SEL1L3: variants seen among roughly 807,000 people sequenced by gnomAD.
SEL1L3 encodes SEL1L family member 3.
In SEL1L3, 76 loss-of-function variants were observed where a neutral mutation model predicts 142.8. The ratio of observed to expected loss-of-function variants is 0.53; its 90% CI spans 0.44 to 0.64. SEL1L3 has a LOEUF of 0.64. Ranked by LOEUF, SEL1L3 falls within the 30% of genes least tolerant of loss-of-function variation. The pLI is 0.00. For synonymous variants in SEL1L3, 504 were observed against 519.6 expected (o/e 0.97, Z 0.41); for missense variants, 1,262 against 1,381.7 (o/e 0.91, Z 1.37).
intron 2 of SEL1L3, 88 bp downstream of exon 2, chr4:25,847,206 A>G (rs750361580): frequency 1.8e-6 from 2 of 1,106,790 alleles, no homozygotes; most frequent in Non-Finnish European, 2.6e-6. Context: ...CCCCTTCGCT[A>G]ATAGAAGAAT....
At chr4:25,729,678 C>T in the SEL1L3 span, among the ~76,000 whole-genome samples, 1 of 152,166 alleles carries the variant, frequency 6.6e-6, no homozygotes, top group Admixed American at 6.5e-5. Context: ...CGCGGCACTG[C>T]ACTTCAGCCT....
At chr4:25,751,850 C>T (rs1008605158) in intron 23 of SEL1L3, among the ~76,000 whole-genome samples, 16 of 151,920 alleles carry the variant, frequency 1.1e-4, no homozygotes, top group African/African-American at 3.9e-4. Context: ...GTGGCTCACG[C>T]CTGTAATCCC....
At chr4:25,756,753 G>C (rs910895852) in intron 23 of SEL1L3, 10 of 1,147,552 alleles carry the variant, frequency 8.7e-6, no homozygotes, top group Non-Finnish European at 1.1e-5. Flanking sequence ...TTCCTGCTCA[G>C]TCCCTCCCTC....
downstream of SEL1L3, among the ~76,000 whole-genome samples, chr4:25,747,102 T>TA (rs1424492354): frequency 6.6e-6 from 1 of 152,112 alleles, no homozygotes; most frequent in Admixed American, 6.6e-5. Context: ...CAACATTTGC[T>TA]AAAACAAGAG....
intron 6 of SEL1L3, among the ~76,000 whole-genome samples, chr4:25,829,577 A>G (rs1450524550): frequency 6.6e-6 from 1 of 152,228 alleles, no homozygotes; most frequent in Non-Finnish European, 1.5e-5. Context: ...ATTATGAAAC[A>G]CAGGCAGGAA....
chr4:25,833,493 A>C lies in SEL1L3; in HGVS notation c.937T>G (p.Ser313Ala), dbSNP rs551703620. Residue 313 changes from serine (S) to alanine (A), a missense_variant, in exon 4 of 24, where the codon TCT becomes GCT. Transcript: ENST00000399878. ...NLCGILYFVD[S>A]NEMYGTPSVF... ...GAAGGTGTGCCGTACATCTCATTAG[A>C]GTCAACAAAGTACAGAATCCCACAG... 1 of 1,612,994 alleles carries C rather than the reference A, an allele frequency of 6.2e-7. No individual in the cohort carries two copies. Among genetic ancestry groups the C allele is most frequent in the East Asian group, 2.2e-5 (1 of 44,870 alleles).
the SEL1L3 span, among the ~76,000 whole-genome samples, chr4:25,740,624 T>C: frequency 6.6e-6 from 1 of 152,096 alleles, no homozygotes; most frequent in Non-Finnish European, 1.5e-5. Flanking sequence ...GTGCAGAGTT[T>C]GGGAAGCTCA....
Position 25,757,542 on chromosome 4 carries a change from G to C in SEL1L3, c.3251C>G (p.Ser1084Cys). 6.5e-7 allele frequency: 1 copy of C among 1,539,410 alleles called. No individual in the cohort carries two copies. Among genetic ancestry groups the C allele is most frequent in the East Asian group, 2.5e-5 (1 of 40,504 alleles). The change falls in exon 23 of 24, where the codon TCT becomes TGT. Residue 1084 changes from serine (S) to cysteine (C), a missense_variant. Physicochemically the swap from Ser to Cys is moderately radical, Grantham distance 112 (BLOSUM62 -1). Transcript: ENST00000399878. The stretch of plus-strand genomic sequence containing the variant: ...TTTTTATAAATCTTTACCTGAGACA[G>C]ACTGGAAATACTGCACAGTCCAGGC... ...LIAWTVQYFQ[S>C]VSASDPPPRP...
chr4:25,757,267 C>A (rs1431781362), intron 23 of SEL1L3, among the ~76,000 whole-genome samples: 8 of 150,062 alleles, frequency 5.3e-5, no homozygotes, highest in African/African-American at 2.0e-4. Flanking sequence ...GACTCCATCT[C>A]AAAAAAAACA....
At chr4:25,744,336 A>G (rs1027123579), downstream of SEL1L3, among the ~76,000 whole-genome samples, 1 of 132,148 alleles carries the variant, frequency 7.6e-6, no homozygotes, top group Non-Finnish European at 1.6e-5. Context: ...AAATGAGGTC[A>G]TATGTGTGAG....
chr4:25,793,538 T>C (rs890105843), intron 11 of SEL1L3, among the ~76,000 whole-genome samples: 3 of 148,200 alleles, frequency 2.0e-5, no homozygotes, highest in Non-Finnish European at 3.0e-5. Flanking sequence ...GCCTTTTGTT[T>C]CTGTGTCCTA....
intron 20 of SEL1L3, among the ~76,000 whole-genome samples, chr4:25,763,096 T>C (rs1162043267): frequency 6.6e-6 from 1 of 152,066 alleles, no homozygotes; most frequent in Non-Finnish European, 1.5e-5. Context: ...CATAGAATTG[T>C]CAGTGCATTC....
At chr4:25,821,417 C>T (rs1378953) in intron 7 of SEL1L3, among the ~76,000 whole-genome samples, 17,190 of 152,220 alleles carry the variant, frequency 0.11, 2,473 homozygotes, top group African/African-American at 0.32. Context: ...CCCTCTCCCC[C>T]GACCAGTCCA....
intron 11 of SEL1L3, among the ~76,000 whole-genome samples, chr4:25,796,486 T>C (rs1462405313): frequency 6.6e-6 from 1 of 151,446 alleles, no homozygotes; most frequent in Non-Finnish European, 1.5e-5. Context: ...AAAAATAAAA[T>C]AAAGAAAACC....
chr4:25,772,800 T>C (rs562693646), intron 17 of SEL1L3, among the ~76,000 whole-genome samples: 1 of 152,218 alleles, frequency 6.6e-6, no homozygotes, highest in South Asian at 2.1e-4. Flanking sequence ...TTTTTATTTA[T>C]TTATTTATTT....
intron 11 of SEL1L3, among the ~76,000 whole-genome samples, chr4:25,792,471 G>T (rs56070885): frequency 0.27 from 40,567 of 152,186 alleles, 5,671 homozygotes; most frequent in Middle Eastern, 0.37. Flanking sequence ...TATGGCCAGT[G>T]TGTATGGAGG....
the SEL1L3 span, among the ~76,000 whole-genome samples, chr4:25,736,242 T>TGTGTGTGTGTGTGTGTGTGA: frequency 2.9e-4 from 43 of 150,554 alleles, no homozygotes; most frequent in Middle Eastern, 6.9e-3. Context: ...TGTGTGTGTG[T>TGTGTGTGTGTGTGTGTGTGA]GATGGAGTTT....
intron 9 of SEL1L3, 38 bp from the exon 10 acceptor site, chr4:25,804,790 AC>A: frequency 7.1e-7 from 1 of 1,411,914 alleles, no homozygotes; most frequent in Non-Finnish European, 1.0e-6. Context: ...ACAATTAATT[AC>A]CATGGGATCG....
intron 1 of SEL1L3, among the ~76,000 whole-genome samples, chr4:25,848,186 A>G (rs1210495591): frequency 6.6e-6 from 1 of 152,270 alleles, no homozygotes; most frequent in Non-Finnish European, 1.5e-5. Context: ...CAACAAATCC[A>G]GTAGCAAGGG....
Sources: allele counts gnomAD v4.1 joint callset (sites outside exome capture counted in the v4.1 genomes callset), GRCh38; gene constraint gnomAD v4.1.1; transcripts MANE v1.5; gene names NCBI Gene and HGNC (gene_info 2026-07-23, HGNC 2026-07-21).